Variants in ABCC11 observed in about 807,000 individuals in gnomAD.
The protein encoded by ABCC11 is ATP-binding cassette sub-family C member 11.
ABCC11 carries 135 observed loss-of-function variants against 149.3 expected under a neutral mutation model. The observed-to-expected ratio is 0.90, with a 90% CI of 0.79 to 1.04. ABCC11 has a LOEUF of 1.04. Ranked by LOEUF, ABCC11 falls within the 50% of genes least tolerant of loss-of-function variation. The pLI is 0.00. For synonymous variants in ABCC11, 665 were observed against 671.4 expected (o/e 0.99, Z 0.15); for missense variants, 1,680 against 1,722.1 (o/e 0.98, Z 0.43).
chr16:48,196,555 T>A (rs1469865766), intron 17 of ABCC11, among the ~76,000 whole-genome samples: 1 of 152,138 alleles, frequency 6.6e-6, no homozygotes, highest in Non-Finnish European at 1.5e-5. Flanking sequence ...GACTGCGGGG[T>A]CTCACGTGTG....
chr16:48,197,305 C>T (rs547808121), intron 17 of ABCC11, among the ~76,000 whole-genome samples: 13 of 758 alleles, frequency 0.017, no homozygotes, highest in South Asian at 0.2. Flanking sequence ...GCCTGGGCAA[C>T]GGACCAAACT....
At chr16:48,181,275 G>A (rs1966414214) in intron 23 of ABCC11, among the ~76,000 whole-genome samples, 1 of 152,148 alleles carries the variant, frequency 6.6e-6, no homozygotes, top group South Asian at 2.1e-4. Context: ...ATCAGAGAGA[G>A]AGAGAGAATG....
intron 6 of ABCC11, among the ~76,000 whole-genome samples, chr16:48,220,930 T>C (rs1396329196): frequency 6.6e-6 from 1 of 152,158 alleles, no homozygotes; most frequent in Non-Finnish European, 1.5e-5. Context: ...GCCAGATTTG[T>C]GCAAAAAGAA....
chr16:48,186,433 C>G (rs138421631), intron 22 of ABCC11, among the ~76,000 whole-genome samples: 52 of 152,314 alleles, frequency 3.4e-4, no homozygotes, highest in African/African-American at 1.2e-3. Flanking sequence ...TAGGTGAAGA[C>G]CGTGCTTGAT....
chr16:48,243,256 C>G (rs1012797167), intron 1 of ABCC11, among the ~76,000 whole-genome samples: 1 of 151,650 alleles, frequency 6.6e-6, no homozygotes, highest in Non-Finnish European at 1.5e-5. Context: ...AAAAAATTAG[C>G]CGGGCGTGGT....
chr16:48,202,803 G>A (rs1968108315), intron 14 of ABCC11, among the ~76,000 whole-genome samples: 1 of 152,118 alleles, frequency 6.6e-6, no homozygotes, highest in African/African-American at 2.4e-5. Flanking sequence ...TTTTATCTCG[G>A]GTGAGGGTCG....
At chr16:48,201,781 G>T (rs948083333) in intron 14 of ABCC11, among the ~76,000 whole-genome samples, 1 of 152,214 alleles carries the variant, frequency 6.6e-6, no homozygotes, top group Non-Finnish European at 1.5e-5. Context: ...CACCTGCTGT[G>T]ATAGGAGTTG....
At chr16:48,232,774 C>T (rs1161376524) in intron 1 of ABCC11, among the ~76,000 whole-genome samples, 1 of 152,248 alleles carries the variant, frequency 6.6e-6, no homozygotes, top group Non-Finnish European at 1.5e-5. Context: ...CAGTTGAATG[C>T]TTTTCTGTTG....
chr16:48,237,979 C>T (rs967666812), intron 1 of ABCC11, among the ~76,000 whole-genome samples: 5 of 152,176 alleles, frequency 3.3e-5, no homozygotes, highest in African/African-American at 1.2e-4. Context: ...TTATTTCTTT[C>T]CTTGCTTATT....
At chr16:48,195,526 G>A (rs1967323667) in intron 18 of ABCC11, among the ~76,000 whole-genome samples, 1 of 152,124 alleles carries the variant, frequency 6.6e-6, no homozygotes, top group Admixed American at 6.5e-5. Context: ...AAAGTTTCAT[G>A]GAGTAAAAAT....
At chr16:48,182,860 C>T (rs1003024611) in intron 23 of ABCC11, among the ~76,000 whole-genome samples, 1 of 151,544 alleles carries the variant, frequency 6.6e-6, no homozygotes, top group East Asian at 1.9e-4. Context: ...AGCTGTGTGG[C>T]TTTGGATAAA....
intron 25 of ABCC11, among the ~76,000 whole-genome samples, chr16:48,176,354 G>C (rs991657824): frequency 6.6e-6 from 1 of 152,084 alleles, no homozygotes; most frequent in Non-Finnish European, 1.5e-5. Context: ...AGGGGGACTT[G>C]GGCCAGATCT....
rs763082739 is a variant in ABCC11 at position 48,231,883 on chromosome 16, A to G, written c.39T>C (p.Ser13=). The G allele has an allele frequency of 3.1e-6, 5 of 1,614,212 alleles. No individual in the cohort carries two copies. Among genetic ancestry groups the G allele is most frequent in the Non-Finnish European group, 4.2e-6 (5 of 1,180,038 alleles). ...CGATGCCACGATTCACGAGGCCACC[A>G]GAAGAGTTGGGCACCCAGTATGTCC... The part of the protein sequence containing the change: ...RKRTYWVPNS[S]GGLVNRGIDI... The change falls in exon 2 of 30, where the codon TCT becomes TCC. Residue 13 remains serine (S), a synonymous_variant. Transcript: ENST00000356608.
At position 48,167,210 on chromosome 16, in the gene ABCC11, C is replaced by T. The variant is rs968415844; in HGVS notation, c.*64G>A. ...CAAGAAGGTCGCAGACTGTGGGCCT[C>T]GAAGCTGCACCTGTGTGAACCTCTG... On this transcript the variant is annotated 3_prime_UTR_variant, in exon 30 of 30. Transcript: ENST00000356608. 12 of 765,842 alleles carry T rather than the reference C, an allele frequency of 1.6e-5. 1 individual carries two copies. The highest frequency in any genetic ancestry group is 6.8e-5 in the South Asian group (5 of 73,678). The allele number at this position is 765,842 out of a possible 1,614,324, so 47.4% of individuals were successfully genotyped here. A position where few individuals can be genotyped will look rare whatever the true frequency, so the allele number is the denominator to read the frequency against.
At chr16:48,214,659 G>A (rs1255063287) in intron 9 of ABCC11, among the ~76,000 whole-genome samples, 4 of 152,130 alleles carry the variant, frequency 2.6e-5, no homozygotes, top group Non-Finnish European at 5.9e-5. Context: ...CCACACCCCC[G>A]ATGGTTCTGC....
At chr16:48,184,378 A>G in intron 23 of ABCC11, 62 bp downstream of exon 23, 1 of 1,563,412 alleles carries the variant, frequency 6.4e-7, no homozygotes, top group South Asian at 1.2e-5. Flanking sequence ...GAGTCTGCCC[A>G]GAAGCCACAG....
At chr16:48,229,806 G>A (rs999123248) in intron 3 of ABCC11, among the ~76,000 whole-genome samples, 1 of 152,098 alleles carries the variant, frequency 6.6e-6, no homozygotes, top group Admixed American at 6.5e-5. Context: ...TGTCTGATCC[G>A]CTTGCCTCTG....
chr16:48,211,138 G>A lies in ABCC11; in HGVS notation c.1418C>T (p.Ala473Val). ...CAAGGTGGCCTCCTCAAAGACCAGA[G>A]CTTTGCTGGGGTCTTGTAATGTCTG... ...YVQTLQDPSKALVFEEATLSW... is the reference protein window; with the variant it reads ...YVQTLQDPSKVLVFEEATLSW... The change falls in exon 11 of 30, where the codon GCT (alanine) becomes GTT (valine). Residue 473 changes from alanine to valine, a missense_variant. By Grantham distance (64) the Ala-to-Val change is moderately conservative. Transcript: ENST00000356608. The A allele has an allele frequency of 6.2e-7, 1 of 1,614,218 alleles. No homozygotes were observed. The highest frequency in any genetic ancestry group is 8.5e-7 in the Non-Finnish European group (1 of 1,180,044).
At chr16:48,214,249 C>A (rs767227489) in intron 9 of ABCC11, among the ~76,000 whole-genome samples, 11 of 151,962 alleles carry the variant, frequency 7.2e-5, no homozygotes, top group Non-Finnish European at 5.9e-5. Context: ...CCTTCTATAG[C>A]GCCCCCAACA....
Sources: allele counts gnomAD v4.1 joint callset (sites outside exome capture counted in the v4.1 genomes callset), GRCh38; gene constraint gnomAD v4.1.1; transcripts MANE v1.5; gene names NCBI Gene and HGNC (gene_info 2026-07-23, HGNC 2026-07-21).